Variants in GLIS3 observed in about 807,000 individuals in gnomAD.
The protein encoded by GLIS3 is GLIS family zinc finger 3, also known as zinc finger protein GLIS3.
GLIS3 carries 53 observed loss-of-function variants against 78.6 expected under a neutral mutation model. That is an observed-to-expected ratio of 0.67 (90% CI 0.54 to 0.85). The LOEUF is 0.85. GLIS3 is among the 40% of genes least tolerant of loss of function. The pLI is 0.00. For synonymous variants in GLIS3, 684 were observed against 509.9 expected, an observed-to-expected ratio of 1.34 and a Z score of -4.60; for missense variants, 1,703 against 1,231.1, an observed-to-expected ratio of 1.38 and a Z score of -5.74.
intron 2 of GLIS3, among the ~76,000 whole-genome samples, chr9:4,330,365 T>C (rs1205148040): frequency 6.6e-6 from 1 of 152,268 alleles, no homozygotes. Context: ...CCCTGCGAGT[T>C]GGCACTGCTA....
At chr9:4,441,781 AT>A in the GLIS3 span, among the ~76,000 whole-genome samples, 1 of 151,886 alleles carries the variant, frequency 6.6e-6, no homozygotes, top group Admixed American at 6.6e-5. Flanking sequence ...TCATTTTTGT[AT>A]TTTTTGTAGA....
chr9:4,346,487 T>C (rs1418439133), intron 2 of GLIS3, among the ~76,000 whole-genome samples: 1 of 152,208 alleles, frequency 6.6e-6, no homozygotes, highest in East Asian at 1.9e-4. Context: ...TTAAATAATT[T>C]CTAAAGTATT....
Position 4,075,672 on chromosome 9 carries a change from G to T in GLIS3, c.1710+42096C>A, listed in dbSNP as rs187252545. On this transcript the variant is annotated intron_variant, in intron 4 of 10. Coordinates refer to ENST00000381971, the MANE Select transcript of GLIS3 (RefSeq NM_001042413.2). ...AAGAGTTTTTAGGATATTTGCAAAA[G>T]ATTTATTCAAAATAGCTCAAAACCA... Among the ~76,000 whole-genome samples the T allele has an allele frequency of 7.9e-3, 1,199 of 152,192 alleles. 15 individuals are homozygous for T. Among genetic ancestry groups the T allele is most frequent in the African/African-American group, 0.028 (1,145 of 41,490 alleles).
intron 2 of GLIS3, among the ~76,000 whole-genome samples, chr9:4,137,812 G>C (rs186654159): frequency 2.6e-5 from 4 of 152,282 alleles, no homozygotes; most frequent in Admixed American, 2.0e-4. Context: ...TCTTAGTATA[G>C]CAAGAGTGTT....
chr9:4,254,568 G>A (rs778049438), intron 2 of GLIS3, among the ~76,000 whole-genome samples: 18 of 152,144 alleles, frequency 1.2e-4, no homozygotes, highest in East Asian at 3.8e-4. Flanking sequence ...GACCCAGCAC[G>A]GTGGCTCACG....
rs907503095 is a variant in GLIS3 at position 4,279,013 on chromosome 9, T to G, written c.388+7025A>C. ...AACTCACCTAAACTCTTTAAAAATATCAGCGTGGCTGGGCACGGTGGCTCA... is the reference window on the plus strand; with the variant it reads ...AACTCACCTAAACTCTTTAAAAATAGCAGCGTGGCTGGGCACGGTGGCTCA... On this transcript the variant is annotated intron_variant, in intron 2 of 10. Transcript: ENST00000381971. 2.0e-5 allele frequency among the ~76,000 whole-genome samples: 3 copies of G among 152,068 alleles called. No individual in the cohort carries two copies. In the South Asian group the frequency reaches 6.2e-4, roughly 32 times the overall value.
chr9:4,476,687 A>G, the GLIS3 span, among the ~76,000 whole-genome samples: 1 of 152,044 alleles, frequency 6.6e-6, no homozygotes, highest in East Asian at 1.9e-4. Context: ...TAGAAATAAT[A>G]TGGGTCTTGT....
the GLIS3 span, among the ~76,000 whole-genome samples, chr9:4,376,847 C>T: frequency 5.0e-4 from 67 of 135,210 alleles, 10 homozygotes; most frequent in African/African-American, 1.6e-3. Flanking sequence ...ACAGTCTTTG[C>T]AGAAGGTGAC....
intron 4 of GLIS3, among the ~76,000 whole-genome samples, chr9:4,100,687 T>C (rs927910197): frequency 1.3e-5 from 2 of 152,156 alleles, no homozygotes; most frequent in Non-Finnish European, 2.9e-5. Flanking sequence ...CTACAAGTAG[T>C]AGTATAGAAT....
chr9:4,320,018 TGTGTGTGC>T (rs1477858830), intron 2 of GLIS3, among the ~76,000 whole-genome samples: 1 of 39,994 alleles, frequency 2.5e-5, no homozygotes, highest in East Asian at 1.3e-3. Context: ...TGTGTGTGTG[TGTGTGTGC>T]GCGCGCACAA....
chr9:4,034,034 C>A, intron 4 of GLIS3, among the ~76,000 whole-genome samples: 1 of 151,454 alleles, frequency 6.6e-6, no homozygotes, highest in East Asian at 1.9e-4. Flanking sequence ...ACAGCCTAGG[C>A]AACATTGTGA....
At chr9:4,018,239 T>C (rs745390009) in intron 4 of GLIS3, among the ~76,000 whole-genome samples, 10 of 152,194 alleles carry the variant, frequency 6.6e-5, no homozygotes, top group Middle Eastern at 3.2e-3. Context: ...GAGAACTGAA[T>C]ATAAAATGAG....
rs900646283 is a variant in GLIS3 at position 3,826,694 on chromosome 9, C to T, written c.*1578G>A. On this transcript the variant is annotated 3_prime_UTR_variant, in exon 11 of 11. Transcript: ENST00000381971. ...GACTGTGGAGGGAGACTGGAAGGAC[C>T]TGTCAGTATACAAACTGTCACAGAA... is the stretch of plus-strand genomic sequence containing the variant. 3 of 152,180 alleles carry T rather than the reference C, an allele frequency of 2.0e-5. No individual in the cohort carries two copies. The highest frequency in any genetic ancestry group is 4.4e-5 in the Non-Finnish European group (3 of 68,030). The allele number at this position is 152,180 out of a possible 1,614,324, so 9.4% of individuals were successfully genotyped here. A position where few individuals can be genotyped will look rare whatever the true frequency, so the allele number is the denominator to read the frequency against.
At chr9:4,326,086 C>T (rs1325457068) in intron 2 of GLIS3, among the ~76,000 whole-genome samples, 2 of 152,222 alleles carry the variant, frequency 1.3e-5, no homozygotes, top group Non-Finnish European at 2.9e-5. Flanking sequence ...TCAGGAAGAA[C>T]AGCTAATGGA....
At position 3,905,479 on chromosome 9, in the gene GLIS3, A is replaced by G. The variant is rs541940967; in HGVS notation, c.1984-6644T>C. Among the ~76,000 whole-genome samples the G allele has an allele frequency of 5.3e-5, 8 of 152,206 alleles. No individual in the cohort carries two copies. The South Asian group carries it at 1.7e-3, about 32-fold the overall frequency. ...AGATTGAAGCAATAAAACAGAATGG[A>G]CCACTTCTGTTTGGTTTTCACTGTC... On this transcript the variant is annotated intron_variant, in intron 6 of 10. Coordinates refer to ENST00000381971, the MANE Select transcript of GLIS3 (RefSeq NM_001042413.2).
At chr9:3,884,055 T>C (rs1821910310) in intron 7 of GLIS3, among the ~76,000 whole-genome samples, 1 of 152,234 alleles carries the variant, frequency 6.6e-6, no homozygotes, top group South Asian at 2.1e-4. Flanking sequence ...GCAGCATCTG[T>C]TGATCTATGT....
rs961594187 is a variant in GLIS3 at position 4,101,685 on chromosome 9, G to A, written c.1710+16083C>T. 3.3e-5 allele frequency among the ~76,000 whole-genome samples: 5 copies of A among 152,160 alleles called. 1 individual carries two copies. The South Asian group carries it at 1.0e-3, about 32-fold the overall frequency. On this transcript the variant is annotated intron_variant, in intron 4 of 10. Transcript: ENST00000381971. ...TTTGTTTTTAAACTGTTTCCAATTAGCTGGTTTCAAAAAAAGTTTAATCTT... is the reference window on the plus strand; with the variant it reads ...TTTGTTTTTAAACTGTTTCCAATTAACTGGTTTCAAAAAAAGTTTAATCTT...
chr9:3,868,382 C>T (rs1481399522), intron 8 of GLIS3, among the ~76,000 whole-genome samples: 1 of 151,766 alleles, frequency 6.6e-6, no homozygotes, highest in Non-Finnish European at 1.5e-5. Flanking sequence ...TTTTTTTTGA[C>T]ACTCAGCGAC....
chr9:3,946,857 T>C (rs116404308), intron 4 of GLIS3, among the ~76,000 whole-genome samples: 2,545 of 152,032 alleles, frequency 0.017, 53 homozygotes, highest in African/African-American at 0.048. Context: ...CTGTCAAATA[T>C]GCCAGGGAAG....
Sources: allele counts gnomAD v4.1 joint callset (sites outside exome capture counted in the v4.1 genomes callset), GRCh38; gene constraint gnomAD v4.1.1; transcripts MANE v1.5; gene names NCBI Gene and HGNC (gene_info 2026-07-23, HGNC 2026-07-21).